Variants in PTPRT observed in about 807,000 individuals in gnomAD.
PTPRT encodes protein tyrosine phosphatase receptor type T, also known as receptor-type tyrosine-protein phosphatase T.
A neutral mutation model predicts 176.8 loss-of-function variants in PTPRT; 56 were observed. The ratio of observed to expected loss-of-function variants is 0.32; its 90% confidence interval spans 0.26 to 0.40. The LOEUF (loss-of-function observed/expected upper bound fraction) is 0.40. PTPRT is among the 10% of genes least tolerant of loss of function. The probability of loss-of-function intolerance (pLI) is 1.00; values close to 1 mark genes in which losing one functional copy is unlikely to be tolerated. For missense variants in PTPRT, 1,540 were observed against 1,908.2 expected (o/e 0.81, Z 3.60); for synonymous variants, 783 against 739.0 (o/e 1.06, Z -0.96).
intron 4 of PTPRT, among the ~76,000 whole-genome samples, chr20:42,774,324 C>T (rs1018954521): frequency 6.6e-6 from 1 of 152,116 alleles, no homozygotes; most frequent in Non-Finnish European, 1.5e-5. Flanking sequence ...CCACCAGTAG[C>T]CTCAGCACTG....
At chr20:43,141,023 G>A (rs2013987203) in intron 1 of PTPRT, among the ~76,000 whole-genome samples, 1 of 152,290 alleles carries the variant, frequency 6.6e-6, no homozygotes. Flanking sequence ...ATGTGCACTG[G>A]AAAATTGTAG....
At chr20:42,032,775 T>C in the PTPRT span, among the ~76,000 whole-genome samples, 4 of 152,084 alleles carry the variant, frequency 2.6e-5, no homozygotes, top group African/African-American at 7.2e-5. Flanking sequence ...TCTCTCTCTC[T>C]CCCTCTCATC....
chr20:42,790,458 G>A (rs182282146), intron 3 of PTPRT, among the ~76,000 whole-genome samples: 76 of 152,104 alleles, frequency 5.0e-4, no homozygotes, highest in African/African-American at 1.8e-3. Context: ...TGAGTTGAGA[G>A]GAAGTGTCCC....
intron 2 of PTPRT, among the ~76,000 whole-genome samples, chr20:42,803,787 C>T (rs1476523730): frequency 6.6e-6 from 1 of 152,226 alleles, no homozygotes; most frequent in Admixed American, 6.5e-5. Context: ...CTCCTGACCT[C>T]AGGCAATCTG....
intron 1 of PTPRT, among the ~76,000 whole-genome samples, chr20:43,180,729 T>C (rs1482000046): frequency 6.6e-6 from 1 of 152,114 alleles, no homozygotes; most frequent in Admixed American, 6.5e-5. Flanking sequence ...TCCCAAAGTG[T>C]TGGAATTACA....
chr20:42,593,378 T>A (rs2145765059), intron 7 of PTPRT, among the ~76,000 whole-genome samples: 1 of 152,282 alleles, frequency 6.6e-6, no homozygotes, highest in Non-Finnish European at 1.5e-5. Context: ...TGAAGAAACC[T>A]TCCCTGTCTG....
chr20:42,973,974 A>G (rs1568710994), intron 1 of PTPRT, among the ~76,000 whole-genome samples: 1 of 152,158 alleles, frequency 6.6e-6, no homozygotes, highest in South Asian at 2.1e-4. Context: ...TTTCTCTCCC[A>G]GAGTATTTGG....
chr20:42,282,657 G>T (rs2057159888), intron 12 of PTPRT, 132 bp from the exon 13 acceptor site: 5 of 731,340 alleles, frequency 6.8e-6, no homozygotes, highest in South Asian at 5.1e-5. Context: ...TTTTAAATTT[G>T]CCCTTTCCAT....
chr20:42,690,680 T>C (rs1354994406), intron 6 of PTPRT, among the ~76,000 whole-genome samples: 2 of 152,212 alleles, frequency 1.3e-5, no homozygotes, highest in Non-Finnish European at 2.9e-5. Context: ...CTTCATCCCT[T>C]TGCATTTTCA....
chr20:42,488,858 G>A (rs556832812), intron 7 of PTPRT, among the ~76,000 whole-genome samples: 2 of 151,938 alleles, frequency 1.3e-5, no homozygotes, highest in African/African-American at 4.8e-5. Context: ...CAGCTACTCT[G>A]GAGGCTGAGG....
intron 6 of PTPRT, among the ~76,000 whole-genome samples, chr20:42,739,798 A>G (rs1600683574): frequency 6.6e-6 from 1 of 152,206 alleles, no homozygotes; most frequent in Admixed American, 6.5e-5. Flanking sequence ...CAACCTACCA[A>G]TCAGCCCTAA....
intron 7 of PTPRT, among the ~76,000 whole-genome samples, chr20:42,593,195 A>T (rs1025525463): frequency 5.3e-5 from 8 of 152,184 alleles, no homozygotes; most frequent in African/African-American, 1.9e-4. Flanking sequence ...CTGGAGGAGC[A>T]GGATCCCCCA....
At chr20:42,970,603 A>G (rs575650281) in intron 1 of PTPRT, among the ~76,000 whole-genome samples, 1 of 152,296 alleles carries the variant, frequency 6.6e-6, no homozygotes, top group South Asian at 2.1e-4. Flanking sequence ...GGATTAAATG[A>G]GATTGTATTT....
At chr20:42,402,036 T>A (rs2058913256) in intron 9 of PTPRT, among the ~76,000 whole-genome samples, 1 of 152,130 alleles carries the variant, frequency 6.6e-6, no homozygotes, top group South Asian at 2.1e-4. Flanking sequence ...CTGATTCTAA[T>A]CAGGCTAAGA....
chr20:43,151,400 G>A (rs1270054140), intron 1 of PTPRT, among the ~76,000 whole-genome samples: 2 of 150,906 alleles, frequency 1.3e-5, no homozygotes, highest in Middle Eastern at 3.2e-3. Context: ...AGAGGTGGGG[G>A]TGGGGGAATA....
intron 13 of PTPRT, among the ~76,000 whole-genome samples, chr20:42,257,924 C>T (rs2056676777): frequency 6.6e-6 from 1 of 151,974 alleles, no homozygotes; most frequent in Admixed American, 6.6e-5. Flanking sequence ...GGAACAGCCT[C>T]TGAGAGACTA....
intron 16 of PTPRT, among the ~76,000 whole-genome samples, chr20:42,186,923 G>A (rs1990805552): frequency 6.6e-6 from 1 of 151,712 alleles, no homozygotes; most frequent in Non-Finnish European, 1.5e-5. Context: ...GGAGGTGAGA[G>A]AGAGGAACGT....
the PTPRT span, among the ~76,000 whole-genome samples, chr20:42,067,119 G>C: frequency 6.6e-6 from 1 of 152,166 alleles, no homozygotes; most frequent in Admixed American, 6.5e-5. Context: ...CTCAGAGTTG[G>C]GGTCTGGGCT....
At chr20:42,834,665 A>G (rs1293062560) in intron 2 of PTPRT, among the ~76,000 whole-genome samples, 1 of 152,122 alleles carries the variant, frequency 6.6e-6, no homozygotes, top group East Asian at 1.9e-4. Context: ...AATCTGATCA[A>G]TCTTTTATTC....
Sources: allele counts gnomAD v4.1 joint callset (sites outside exome capture counted in the v4.1 genomes callset), GRCh38; gene constraint gnomAD v4.1.1; transcripts MANE v1.5; gene names NCBI Gene and HGNC (gene_info 2026-07-23, HGNC 2026-07-21).